EP300: variants seen among roughly 807,000 people sequenced by gnomAD.
EP300 encodes EP300 lysine acetyltransferase, also known as histone acetyltransferase p300.
A neutral mutation model predicts 264.0 loss-of-function variants in EP300; 31 were observed. The ratio of observed to expected loss-of-function variants is 0.12; its 90% CI spans 0.09 to 0.16. The LOEUF (loss-of-function observed/expected upper bound fraction) is 0.16, where lower values mean the gene tolerates loss of function less well. EP300 is among the 10% of genes least tolerant of loss of function. The probability of loss-of-function intolerance (pLI) is 1.00; values close to 1 mark genes in which losing one functional copy is unlikely to be tolerated. For synonymous variants in EP300, 1,340 were observed against 1,045.4 expected (o/e 1.28, Z -5.44); for missense variants, 2,766 against 3,052.9 (o/e 0.91, Z 2.21).
chr22:41,117,060 C>G (rs2058825482), intron 1 of EP300, 127 bp from the exon 2 acceptor site: 2 of 882,542 alleles, frequency 2.3e-6, no homozygotes, highest in Non-Finnish European at 3.6e-6. Flanking sequence ...GACCCTGTCT[C>G]AAATAAATAG....
At chr22:41,104,317 T>C (rs2058746593) in intron 1 of EP300, among the ~76,000 whole-genome samples, 1 of 151,556 alleles carries the variant, frequency 6.6e-6, no homozygotes. Context: ...TCATACAGAG[T>C]CTTGCTCTGT....
At chr22:41,162,095 A>G (rs185122797) in intron 20 of EP300, among the ~76,000 whole-genome samples, 55 of 152,296 alleles carry the variant, frequency 3.6e-4, no homozygotes, top group Admixed American at 5.9e-4. Context: ...CCTGTAGTGG[A>G]TCCAAGTGTC....
intron 1 of EP300, among the ~76,000 whole-genome samples, chr22:41,093,637 T>C (rs2058686592): frequency 6.6e-6 from 1 of 152,250 alleles, no homozygotes; most frequent in African/African-American, 2.4e-5. Context: ...TTAACAATTC[T>C]TTTATCTTAC....
At chr22:41,144,253 T>A (rs1055329137) in intron 10 of EP300, among the ~76,000 whole-genome samples, 11 of 152,208 alleles carry the variant, frequency 7.2e-5, no homozygotes, top group Admixed American at 1.3e-4. Flanking sequence ...AAAGGGTTTT[T>A]GATTATTTGA....
intron 2 of EP300, among the ~76,000 whole-genome samples, chr22:41,123,282 G>A (rs1393727271): frequency 1.3e-5 from 2 of 151,844 alleles, no homozygotes; most frequent in Admixed American, 1.3e-4. Context: ...GTAGGGAAAG[G>A]GAAAAGCTTG....
At chr22:41,148,009 T>G in intron 12 of EP300, 63 bp downstream of exon 12, 3 of 1,134,166 alleles carry the variant, frequency 2.6e-6, no homozygotes, top group Non-Finnish European at 3.9e-6. Flanking sequence ...ATCCTGTTTG[T>G]TCCTACTTTA....
At chr22:41,130,818 T>A (rs989932972) in intron 5 of EP300, among the ~76,000 whole-genome samples, 1 of 151,936 alleles carries the variant, frequency 6.6e-6, no homozygotes, top group Non-Finnish European at 1.5e-5. Flanking sequence ...TTTTTTTTTT[T>A]AAGAGAAAAG....
Position 41,178,544 on chromosome 22 carries a change from T to G in EP300, c.6833T>G (p.Met2278Arg). Residue 2278 changes from methionine (M) to arginine (R), a missense_variant, in exon 31 of 31, where the codon ATG (methionine) becomes AGG (arginine). Physicochemically the swap from Met to Arg is moderately conservative, Grantham distance 91. Transcript: ENST00000263253. Reference protein sequence around the residue: ...QMGSPVQPNPMSPQQHMLPNQ... With the variant: ...QMGSPVQPNPRSPQQHMLPNQ... ...GGGTCCCCTGTTCAGCCCAACCCCATGAGCCCCCAGCAGCATATGCTCCCA... is the reference window on the plus strand; with the variant it reads ...GGGTCCCCTGTTCAGCCCAACCCCAGGAGCCCCCAGCAGCATATGCTCCCA... 1 of 1,614,010 alleles carries G rather than the reference T, an allele frequency of 6.2e-7. No homozygotes were observed. Among genetic ancestry groups the G allele is most frequent in the South Asian group, 1.1e-5 (1 of 91,072 alleles).
At chr22:41,140,019 GTAAT>G (rs1462595169) in intron 8 of EP300, 117 bp from the exon 9 acceptor site, 3 of 752,656 alleles carry the variant, frequency 4.0e-6, no homozygotes, top group African/African-American at 3.5e-5. Context: ...ATTTCAGTAA[GTAAT>G]ATATATCACC....
chr22:41,169,416 A>G (rs2059157536), intron 25 of EP300, 87 bp from the exon 26 acceptor site: 1 of 823,514 alleles, frequency 1.2e-6, no homozygotes, highest in Non-Finnish European at 2.1e-6. Flanking sequence ...TGGGAGAGTG[A>G]GAGGGTGTTA....
intron 14 of EP300, among the ~76,000 whole-genome samples, chr22:41,151,297 T>C (rs2059043412): frequency 6.6e-6 from 1 of 152,168 alleles, no homozygotes; most frequent in Non-Finnish European, 1.5e-5. Flanking sequence ...AAATCAAGGA[T>C]ACTTCCAGAA....
intron 10 of EP300, among the ~76,000 whole-genome samples, chr22:41,142,665 C>G (rs1016289460): frequency 5.5e-4 from 84 of 151,902 alleles, no homozygotes; most frequent in African/African-American, 1.9e-3. Context: ...GCGGGTAGAT[C>G]ATGACGTCAG....
At chr22:41,134,247 G>A (rs982968296) in intron 6 of EP300, among the ~76,000 whole-genome samples, 2 of 150,838 alleles carry the variant, frequency 1.3e-5, no homozygotes, top group African/African-American at 2.4e-5. Flanking sequence ...CCTAATCAGG[G>A]ACTTAGATAA....
At chr22:41,130,938 G>A (rs2058915527) in intron 5 of EP300, among the ~76,000 whole-genome samples, 1 of 152,010 alleles carries the variant, frequency 6.6e-6, no homozygotes, top group African/African-American at 2.4e-5. Flanking sequence ...ATTTGAAAAT[G>A]GAATTAAATT....
At chr22:41,100,922 C>T (rs557127127) in intron 1 of EP300, among the ~76,000 whole-genome samples, 1 of 152,096 alleles carries the variant, frequency 6.6e-6, no homozygotes, top group South Asian at 2.1e-4. Flanking sequence ...GTATACAAGA[C>T]ATCTTATATA....
intron 14 of EP300, among the ~76,000 whole-genome samples, chr22:41,151,051 C>A (rs1451552802): frequency 2.6e-5 from 4 of 151,930 alleles, no homozygotes; most frequent in Non-Finnish European, 5.9e-5. Flanking sequence ...ATAGTTGAAT[C>A]CTTATTAATA....
intron 2 of EP300, among the ~76,000 whole-genome samples, chr22:41,122,501 G>A (rs2058858369): frequency 6.6e-6 from 1 of 151,904 alleles, no homozygotes; most frequent in Admixed American, 6.6e-5. Context: ...CTCATTTCAG[G>A]CCACCTCATT....
At chr22:41,160,758 G>C (rs1278442801) in intron 20 of EP300, 36 bp downstream of exon 20, 3 of 1,584,500 alleles carry the variant, frequency 1.9e-6, no homozygotes, top group Non-Finnish European at 2.6e-6. Flanking sequence ...GTGCTAATTA[G>C]TTTGTTGTCC....
intron 10 of EP300, among the ~76,000 whole-genome samples, chr22:41,142,965 A>T (rs988221718): frequency 2.6e-5 from 4 of 152,222 alleles, no homozygotes; most frequent in Admixed American, 2.6e-4. Flanking sequence ...TTCTGAGCCA[A>T]GTTTAAAGTC....
Sources: allele counts gnomAD v4.1 joint callset (sites outside exome capture counted in the v4.1 genomes callset), GRCh38; gene constraint gnomAD v4.1.1; transcripts MANE v1.5; gene names NCBI Gene and HGNC (gene_info 2026-07-23, HGNC 2026-07-21).